ZFPM2: variants seen among roughly 807,000 people sequenced by gnomAD.
The protein encoded by ZFPM2 is zinc finger protein ZFPM2.
In ZFPM2, 20 loss-of-function variants were observed where a neutral mutation model predicts 98.6. The ratio of observed to expected loss-of-function variants is 0.20; its 90% CI spans 0.14 to 0.29. The LOEUF is 0.29. ZFPM2 is among the 10% of genes least tolerant of loss of function. ZFPM2 has a pLI of 1.00. For missense variants in ZFPM2, 1,310 were observed against 1,388.6 expected (o/e 0.94, Z 0.90); for synonymous variants, 518 against 502.7 (o/e 1.03, Z -0.41).
chr8:105,485,389 T>A (rs114110486), intron 3 of ZFPM2, among the ~76,000 whole-genome samples: 1 of 152,080 alleles, frequency 6.6e-6, no homozygotes, highest in Admixed American at 6.6e-5. Flanking sequence ...ACCAGGCTAG[T>A]ACATCTGCAG....
chr8:105,664,091 T>C (rs1019716584), intron 5 of ZFPM2, among the ~76,000 whole-genome samples: 36 of 152,200 alleles, frequency 2.4e-4, no homozygotes, highest in African/African-American at 8.7e-4. Context: ...GATATTCCTT[T>C]ATGATTGAGA....
At chr8:105,381,666 T>G (rs1288187419) in intron 1 of ZFPM2, among the ~76,000 whole-genome samples, 1 of 152,122 alleles carries the variant, frequency 6.6e-6, no homozygotes, top group African/African-American at 2.4e-5. Context: ...TCTTTAATAA[T>G]ATTAATAGCT....
intron 5 of ZFPM2, among the ~76,000 whole-genome samples, chr8:105,738,206 G>T (rs1335859546): frequency 6.6e-6 from 1 of 151,920 alleles, no homozygotes; most frequent in Non-Finnish European, 1.5e-5. Flanking sequence ...AGTGTGTGTT[G>T]TTCCCCACTA....
chr8:105,405,732 A>G (rs1245974240), intron 1 of ZFPM2, among the ~76,000 whole-genome samples: 1 of 152,096 alleles, frequency 6.6e-6, no homozygotes, highest in Non-Finnish European at 1.5e-5. Context: ...TAGTGCCGCA[A>G]TAAACATATG....
At chr8:105,330,607 T>C (rs1295758581) in intron 1 of ZFPM2, among the ~76,000 whole-genome samples, 998 of 26,834 alleles carry the variant, frequency 0.037, 17 homozygotes, top group African/African-American at 0.043. Flanking sequence ...TATATATATA[T>C]ATACACATAT....
chr8:105,758,952 T>A (rs553215948), intron 5 of ZFPM2, among the ~76,000 whole-genome samples: 1 of 152,210 alleles, frequency 6.6e-6, no homozygotes, highest in African/African-American at 2.4e-5. Flanking sequence ...ATCATGACAC[T>A]CCCTTCCAAA....
At chr8:105,661,801 A>G (rs1299144382) in intron 5 of ZFPM2, among the ~76,000 whole-genome samples, 5 of 152,152 alleles carry the variant, frequency 3.3e-5, no homozygotes, top group African/African-American at 4.8e-5. Flanking sequence ...AAGCTTTGTC[A>G]TCACGCTTGA....
chr8:105,587,684 G>A (rs1563731994), intron 4 of ZFPM2, among the ~76,000 whole-genome samples: 1 of 152,102 alleles, frequency 6.6e-6, no homozygotes. Context: ...GAATTCCACA[G>A]TATTATAAAT....
At chr8:105,598,846 CT>C (rs1055764032) in intron 4 of ZFPM2, among the ~76,000 whole-genome samples, 1 of 152,032 alleles carries the variant, frequency 6.6e-6, no homozygotes, top group African/African-American at 2.4e-5. Context: ...ACAAAAAAAA[CT>C]TTCCCCAATT....
chr8:105,426,218 G>A (rs1811905720), intron 2 of ZFPM2, among the ~76,000 whole-genome samples: 1 of 152,046 alleles, frequency 6.6e-6, no homozygotes, highest in Non-Finnish European at 1.5e-5. Context: ...TTAAATTCTT[G>A]CATATAACAT....
chr8:105,538,002 A>G (rs1445203644), intron 3 of ZFPM2, among the ~76,000 whole-genome samples: 1 of 152,036 alleles, frequency 6.6e-6, no homozygotes, highest in East Asian at 1.9e-4. Context: ...AGTGTATAAT[A>G]TCTTTTTTAC....
chr8:105,622,508 GCAA>G (rs1001163374), intron 4 of ZFPM2, among the ~76,000 whole-genome samples: 9 of 152,090 alleles, frequency 5.9e-5, no homozygotes, highest in African/African-American at 1.9e-4. Context: ...TAGAAAACTA[GCAA>G]CAACAAGATT....
At chr8:105,537,816 C>G (rs1814486888) in intron 3 of ZFPM2, among the ~76,000 whole-genome samples, 1 of 151,980 alleles carries the variant, frequency 6.6e-6, no homozygotes, top group Non-Finnish European at 1.5e-5. Flanking sequence ...CTGCAACCTC[C>G]ACCTCCTGGA....
In ZFPM2 at chr8:105,798,832, T is replaced by C. The variant is rs772835681; in HGVS notation, c.848T>C (p.Val283Ala). The change falls in exon 7 of 8, where the codon GTG (valine) becomes GCG (alanine). Residue 283 changes from valine to alanine, a missense_variant. Physicochemically the swap from Val to Ala is moderately conservative, Grantham distance 64. Coordinates refer to ENST00000407775, the MANE Select transcript of ZFPM2 (RefSeq NM_012082.4). ...GGGAGGCAAAGAGAAGCTGCTCCGGTGTCAGAGGAAAATGAAGACAGTGCC... is the reference window on the plus strand; with the variant it reads ...GGGAGGCAAAGAGAAGCTGCTCCGGCGTCAGAGGAAAATGAAGACAGTGCC... ...CSGRQREAAP[V>A]SEENEDSAHQ... The C allele has an allele frequency of 1.2e-6, 2 of 1,613,918 alleles. No homozygotes were observed. The highest frequency in any genetic ancestry group is 1.7e-6 in the Non-Finnish European group (2 of 1,179,870).
At chr8:105,374,643 C>T (rs1241954692) in intron 1 of ZFPM2, among the ~76,000 whole-genome samples, 7 of 152,020 alleles carry the variant, frequency 4.6e-5, no homozygotes, top group African/African-American at 1.7e-4. Context: ...GCCTCAGCCT[C>T]CCAAATTTTT....
chr8:105,468,357 C>A (rs925784380), intron 3 of ZFPM2, among the ~76,000 whole-genome samples: 1 of 151,920 alleles, frequency 6.6e-6, no homozygotes, highest in African/African-American at 2.4e-5. Context: ...GGAACAATGT[C>A]CTCCTTCATA....
intron 5 of ZFPM2, among the ~76,000 whole-genome samples, chr8:105,674,872 C>G (rs372605713): frequency 9.2e-5 from 14 of 152,208 alleles, no homozygotes; most frequent in African/African-American, 3.4e-4. Flanking sequence ...GAGCCAGAGA[C>G]CATGGTTCAA....
chr8:105,648,776 T>G (rs923943314), intron 5 of ZFPM2, among the ~76,000 whole-genome samples: 3 of 152,246 alleles, frequency 2.0e-5, no homozygotes, highest in African/African-American at 7.2e-5. Context: ...TTTTGGTTTC[T>G]GTAGCCTTGT....
intron 3 of ZFPM2, among the ~76,000 whole-genome samples, chr8:105,555,888 G>A (rs557457948): frequency 2.0e-5 from 3 of 152,246 alleles, no homozygotes; most frequent in Non-Finnish European, 4.4e-5. Context: ...AAGTTATGGG[G>A]GAGCTAAACT....
Sources: gnomAD v4.1 joint callset for allele counts (sites outside exome capture counted in the v4.1 genomes callset) on GRCh38, gnomAD v4.1.1 for gene constraint, MANE v1.5 for transcripts, NCBI Gene and HGNC (gene_info 2026-07-23, HGNC 2026-07-21) for gene names.